CIBAR1: variants seen among roughly 807,000 people sequenced by gnomAD.
CIBAR1 encodes CBY1-interacting BAR domain-containing protein 1.
Under a neutral mutation model 44.0 loss-of-function variants are expected in CIBAR1, and 25 were observed. That is an observed-to-expected ratio of 0.57 (90% CI 0.41 to 0.79). CIBAR1 has a LOEUF of 0.79. CIBAR1 is among the 30% of genes least tolerant of loss of function. The pLI, the probability that CIBAR1 is intolerant of heterozygous loss-of-function variation, is 0.00. For synonymous variants in CIBAR1, 115 were observed against 119.0 expected (o/e 0.97, Z 0.22); for missense variants, 278 against 344.8 (o/e 0.81, Z 1.53).
chr8:93,708,054 A>G (rs562223841), intron 5 of CIBAR1, 38 bp downstream of exon 5: 27 of 1,502,584 alleles, frequency 1.8e-5, no homozygotes, highest in Non-Finnish European at 2.0e-5. Context: ...ATGGATCCTT[A>G]TAGTAAACCC....
At chr8:93,701,012 A>G in intron 1 of CIBAR1, 2 of 1,422,726 alleles carry the variant, frequency 1.4e-6, no homozygotes, top group South Asian at 1.6e-5. Flanking sequence ...GGCCAGGCCC[A>G]CCCGGCCTGG....
At chr8:93,725,302 T>C (rs1811442492) in intron 7 of CIBAR1, among the ~76,000 whole-genome samples, 2 of 152,136 alleles carry the variant, frequency 1.3e-5, no homozygotes, top group African/African-American at 4.8e-5. Flanking sequence ...TTATATATAA[T>C]AAGTGGCCTA....
chr8:93,703,501 C>G lies in CIBAR1; in HGVS notation c.262-119C>G, dbSNP rs989863840. Reference sequence around the variant, plus strand: ...CTTTTACTATTACTGTGCAGCTTAACAGTTTTTAATGTGTTTTGAGTTTAG... The same window carrying G: ...CTTTTACTATTACTGTGCAGCTTAAGAGTTTTTAATGTGTTTTGAGTTTAG... On this transcript the variant is annotated intron_variant, in intron 2 of 8. Coordinates refer to ENST00000518322, the MANE Select transcript of CIBAR1 (RefSeq NM_145269.5). 8 of 581,974 alleles carry G rather than the reference C, an allele frequency of 1.4e-5. No homozygotes were observed. The East Asian group carries it at 2.2e-4, about 16-fold the overall frequency. The allele number at this position is 581,974 out of a possible 1,614,324, so 36.1% of individuals were successfully genotyped here. A position where few individuals can be genotyped will look rare whatever the true frequency, so the allele number is the denominator to read the frequency against.
chr8:93,727,177 T>C (rs1180315548), intron 8 of CIBAR1: 3 of 1,289,222 alleles, frequency 2.3e-6, no homozygotes, highest in Admixed American at 2.3e-5. Flanking sequence ...TAGAGAGCTA[T>C]GCCCTTTTCA....
chr8:93,700,633 C>A lies in CIBAR1; in HGVS notation c.-15C>A, dbSNP rs1371228646. On this transcript the variant is annotated 5_prime_UTR_variant, in exon 1 of 9. Transcript: ENST00000518322. ...CTTGGGCCCCCGCAAGGTCCCCGGC[C>A]GTGCGCGAGGCAGCATGATGAGGCG... The A allele has an allele frequency of 2.7e-6, 4 of 1,499,064 alleles. No individual in the cohort carries two copies. The highest frequency in any genetic ancestry group is 4.6e-5 in the Admixed American group (2 of 43,672). The allele number at this position is 1,499,064 out of a possible 1,614,324, so 92.9% of individuals were successfully genotyped here.
At chr8:93,703,820 T>G in intron 3 of CIBAR1, 132 bp downstream of exon 3, 1 of 661,562 alleles carries the variant, frequency 1.5e-6, no homozygotes, top group Non-Finnish European at 2.4e-6. Context: ...ATCCCAACAC[T>G]TTGGGAGGTC....
chr8:93,725,221 G>A (rs1468621392), intron 7 of CIBAR1, among the ~76,000 whole-genome samples: 1 of 152,138 alleles, frequency 6.6e-6, no homozygotes, highest in Admixed American at 6.5e-5. Flanking sequence ...AGGCTCAAGT[G>A]ATCCTCCTGC....
intron 8 of CIBAR1, 113 bp from the exon 9 acceptor site, chr8:93,728,091 AC>A (rs199866541): frequency 2.0e-6 from 1 of 505,620 alleles, no homozygotes. Flanking sequence ...TATGACATGG[AC>A]ATTTTTTTGA....
In CIBAR1 at chr8:93,708,019, G is replaced by A. The variant is rs1020890976; in HGVS notation, c.438+3G>A. ...TTTATGAAAAATTTCAGTCACAGGT[G>A]GGTAATAAAGTGGTGTGTCAAGAAA... On this transcript the variant is annotated splice_donor_region_variant and intron_variant, in intron 5 of 8. Coordinates refer to ENST00000518322, the MANE Select transcript of CIBAR1 (RefSeq NM_145269.5). 20 of 1,565,816 alleles carry A rather than the reference G, an allele frequency of 1.3e-5. No homozygotes were observed. The African/African-American group carries it at 2.3e-4, about 18-fold the overall frequency.
At chr8:93,724,182 T>C (rs1811382202) in intron 7 of CIBAR1, among the ~76,000 whole-genome samples, 1 of 152,188 alleles carries the variant, frequency 6.6e-6, no homozygotes, top group Non-Finnish European at 1.5e-5. Context: ...ATGACTGCAC[T>C]ACTGCAATTC....
rs1165865978 is a variant in CIBAR1 at position 93,700,820 on chromosome 8, T to C, written c.26+147T>C. 2.3e-6 allele frequency: 3 copies of C among 1,322,848 alleles called. No homozygotes were observed. In the East Asian group the frequency reaches 9.2e-5, roughly 41 times the overall value. 81.9% of individuals were successfully genotyped at this position (1,322,848 alleles called of 1,614,324 possible). ...GTCCCCGCTGTGACCTGGGGCCTAA[T>C]TCCTTGGGCTGCAGCCACCGCCGGC... On this transcript the variant is annotated intron_variant, in intron 1 of 8. Coordinates refer to ENST00000518322, the MANE Select transcript of CIBAR1 (RefSeq NM_145269.5).
chr8:93,703,786 C>A, intron 3 of CIBAR1, 98 bp downstream of exon 3: 1 of 1,013,356 alleles, frequency 9.9e-7, no homozygotes, highest in Non-Finnish European at 1.4e-6. Context: ...AAGTAGTGGC[C>A]AAGAGTGGTG....
At position 93,726,414 on chromosome 8, in the gene CIBAR1, T is replaced by C. The variant is rs780468915; in HGVS notation, c.678T>C (p.Tyr226=). ...AATAGGTTTTCCGAAATTCTCTGTA[T>C]GCACCAGATTATTCATCTCGTTTAG... ...EDLEVFRNSL[Y]APDYSSRLDI... The change falls in exon 8 of 9, where the codon TAT becomes TAC. Residue 226 remains tyrosine (Y), a synonymous_variant. Transcript: ENST00000518322. 1.2e-6 allele frequency: 2 copies of C among 1,613,426 alleles called. No individual in the cohort carries two copies. The highest frequency in any genetic ancestry group is 1.7e-6 in the Non-Finnish European group (2 of 1,179,480).
intron 6 of CIBAR1, among the ~76,000 whole-genome samples, chr8:93,711,033 T>C (rs1276394284): frequency 1.3e-5 from 2 of 152,220 alleles, no homozygotes; most frequent in East Asian, 1.9e-4. Context: ...GCCAACCACG[T>C]AAATTTGCAT....
chr8:93,705,744 G>A (rs1403885024), intron 4 of CIBAR1, among the ~76,000 whole-genome samples: 1 of 152,124 alleles, frequency 6.6e-6, no homozygotes, highest in Non-Finnish European at 1.5e-5. Context: ...GAGGTCAGGA[G>A]TTCGAGACCA....
In CIBAR1 at chr8:93,723,341, G is replaced by A. The variant is rs766755964; in HGVS notation, c.658-3053G>A. Among the ~76,000 whole-genome samples, 108 of 152,236 alleles carry A rather than the reference G, an allele frequency of 7.1e-4. 1 individual carries two copies. The Middle Eastern group carries it at 0.01, about 14-fold the overall frequency. Reference sequence around the variant, plus strand: ...TCATACCAGGATGTCAGTGGTCCATGTCTGGCACCAAAATTGAATTTGGTC... The same window carrying A: ...TCATACCAGGATGTCAGTGGTCCATATCTGGCACCAAAATTGAATTTGGTC... On this transcript the variant is annotated intron_variant, in intron 7 of 8. Transcript: ENST00000518322.
chr8:93,713,307 A>G (rs1810906396), intron 6 of CIBAR1, among the ~76,000 whole-genome samples: 1 of 152,174 alleles, frequency 6.6e-6, no homozygotes, highest in South Asian at 2.1e-4. Flanking sequence ...CTCTGGGATT[A>G]CAGGCGTGAG....
In CIBAR1 at chr8:93,729,307, C is replaced by T. The variant is rs1436810442; in HGVS notation, c.*1010C>T. On this transcript the variant is annotated 3_prime_UTR_variant, in exon 9 of 9. Coordinates refer to ENST00000518322, the MANE Select transcript of CIBAR1 (RefSeq NM_145269.5). ...AAAGCACTCCTTCCTGAGAATAGTC[C>T]TAAGTGACAAAGTTGTTTCAGTACT... The T allele has an allele frequency of 6.6e-6, 1 of 152,020 alleles. No individual in the cohort carries two copies. The highest frequency in any genetic ancestry group is 1.5e-5 in the Non-Finnish European group (1 of 67,958). The allele number at this position is 152,020 out of a possible 1,614,324, so 9.4% of individuals were successfully genotyped here. A position where few individuals can be genotyped will look rare whatever the true frequency, so the allele number is the denominator to read the frequency against.
chr8:93,703,732 A>T, intron 3 of CIBAR1, 44 bp downstream of exon 3: 1 of 1,457,882 alleles, frequency 6.9e-7, no homozygotes, highest in Non-Finnish European at 9.3e-7. Context: ...TTACTCTGGC[A>T]AAGACTATGA....
Sources: gnomAD v4.1 joint callset for allele counts (sites outside exome capture counted in the v4.1 genomes callset) on GRCh38, gnomAD v4.1.1 for gene constraint, MANE v1.5 for transcripts, NCBI Gene and HGNC (gene_info 2026-07-23, HGNC 2026-07-21) for gene names.